PCDHA1: variants seen among roughly 807,000 people sequenced by gnomAD.
PCDHA1 encodes protocadherin alpha 1.
Under a neutral mutation model 61.3 loss-of-function variants are expected in PCDHA1, and 42 were observed. That is an observed-to-expected ratio of 0.69 (90% CI 0.54 to 0.89). The LOEUF (loss-of-function observed/expected upper bound fraction) is 0.89, where lower values mean the gene tolerates loss of function less well. Ranked by LOEUF, PCDHA1 falls within the 40% of genes least tolerant of loss-of-function variation. PCDHA1 has a pLI of 0.00. For synonymous variants in PCDHA1, 610 were observed against 553.8 expected (o/e 1.10, Z -1.43); for missense variants, 1,256 against 1,235.3 (o/e 1.02, Z -0.25).
chr5:140,881,362 G>C, intron 1 of PCDHA1: 6 of 985,132 alleles, frequency 6.1e-6, no homozygotes, highest in Non-Finnish European at 7.2e-6. Context: ...CGTGGCTTTC[G>C]TATGAATTGC....
intron 1 of PCDHA1, chr5:140,836,693 G>A: frequency 1.2e-6 from 2 of 1,613,422 alleles, no homozygotes; most frequent in African/African-American, 2.7e-5. Flanking sequence ...CAGACCTCAT[G>A]GCCTTCAGTC....
chr5:140,951,546 G>A (rs962043182), intron 1 of PCDHA1, among the ~76,000 whole-genome samples: 9 of 151,942 alleles, frequency 5.9e-5, no homozygotes, highest in Non-Finnish European at 8.8e-5. Context: ...CAAGGGACGG[G>A]GGGAAGTGCT....
chr5:140,910,274 G>A (rs1185029668), intron 1 of PCDHA1, among the ~76,000 whole-genome samples: 1 of 152,030 alleles, frequency 6.6e-6, no homozygotes, highest in Non-Finnish European at 1.5e-5. Flanking sequence ...TCACTTCTAG[G>A]AACACCATGA....
At chr5:140,901,583 T>C (rs530803677) in intron 1 of PCDHA1, among the ~76,000 whole-genome samples, 14 of 152,340 alleles carry the variant, frequency 9.2e-5, no homozygotes, top group African/African-American at 3.4e-4. Context: ...GCCAGTGCCA[T>C]GATGTTTTGG....
At chr5:140,945,935 G>T (rs2093863887) in intron 1 of PCDHA1, among the ~76,000 whole-genome samples, 1 of 151,964 alleles carries the variant, frequency 6.6e-6, no homozygotes, top group Admixed American at 6.6e-5. Flanking sequence ...GAGCAATGAT[G>T]TTTTTTATAT....
At chr5:140,832,312 C>G (rs2150200797) in intron 1 of PCDHA1, among the ~76,000 whole-genome samples, 49 of 152,244 alleles carry the variant, frequency 3.2e-4, no homozygotes, top group African/African-American at 1.1e-3. Flanking sequence ...TTAAAAGTTG[C>G]TTAAGGGCCA....
At chr5:140,807,188 A>G (rs1554123775) in intron 1 of PCDHA1, 1 of 1,613,140 alleles carries the variant, frequency 6.2e-7, no homozygotes, top group Admixed American at 1.7e-5. Context: ...TGCACTAAAG[A>G]TGGAGTTTTC....
intron 1 of PCDHA1, among the ~76,000 whole-genome samples, chr5:140,911,457 A>G (rs1225259689): frequency 6.6e-6 from 1 of 152,144 alleles, no homozygotes; most frequent in Non-Finnish European, 1.5e-5. Flanking sequence ...CTCTTTCTCT[A>G]CAGGAGATAA....
At chr5:140,953,227 G>A (rs269546) in intron 1 of PCDHA1, among the ~76,000 whole-genome samples, 34,007 of 151,960 alleles carry the variant, frequency 0.22, 4,902 homozygotes, top group African/African-American at 0.41. Flanking sequence ...GCTTCTGCTT[G>A]GTAGCAGTTC....
At chr5:140,838,747 G>A (rs1055072551) in intron 1 of PCDHA1, among the ~76,000 whole-genome samples, 2 of 151,894 alleles carry the variant, frequency 1.3e-5, no homozygotes, top group South Asian at 2.1e-4. Flanking sequence ...ACCAGCTTGT[G>A]CATCTTTTGT....
rs138543529 is a variant in PCDHA1, at chr5:140,795,912, C to T, written c.2394+7228C>T. Reference sequence around the variant, plus strand: ...TAGATTATGAAGAAGCAAAGTCCTACGAGATTCAGGTCACTGCAACTGACA... The same window carrying T: ...TAGATTATGAAGAAGCAAAGTCCTATGAGATTCAGGTCACTGCAACTGACA... On this transcript the variant is annotated intron_variant, in intron 1 of 3. Transcript: ENST00000504120. 11 of 1,613,672 alleles carry T rather than the reference C, an allele frequency of 6.8e-6. No homozygotes were observed. In the East Asian group the frequency reaches 1.6e-4, roughly 23 times the overall value.
rs1277640974 is a variant in PCDHA1 at position 140,805,391 on chromosome 5, T to C, written c.2394+16707T>C. 2.7e-6 allele frequency: 3 copies of C among 1,093,034 alleles called. No homozygotes were observed. The African/African-American group carries it at 5.0e-5, about 18-fold the overall frequency. 67.7% of individuals were successfully genotyped at this position (1,093,034 alleles called of 1,614,324 possible). ...CACATAGTGAAAGTACTCTGGTTTC[T>C]GTTTGATTCAGAAATTTGGTGGGTT... is the stretch of plus-strand genomic sequence containing the variant. On this transcript the variant is annotated intron_variant, in intron 1 of 3. Coordinates refer to ENST00000504120, the MANE Select transcript of PCDHA1 (RefSeq NM_018900.4).
chr5:140,869,384 A>G, intron 1 of PCDHA1: 1 of 1,614,120 alleles, frequency 6.2e-7, no homozygotes, highest in South Asian at 1.1e-5. Context: ...GACCGCGAGG[A>G]GCTGTGCGGG....
intron 1 of PCDHA1, among the ~76,000 whole-genome samples, chr5:140,932,852 T>C (rs2088679496): frequency 1.3e-5 from 2 of 151,996 alleles, no homozygotes; most frequent in Non-Finnish European, 2.9e-5. Flanking sequence ...ATAATGTTAA[T>C]GACTTATTGT....
intron 1 of PCDHA1, among the ~76,000 whole-genome samples, chr5:140,951,776 T>C (rs1301757181): frequency 2.6e-5 from 4 of 152,140 alleles, no homozygotes; most frequent in East Asian, 1.9e-4. Context: ...CGTTCTTACA[T>C]TGCAAAATAC....
intron 3 of PCDHA1, among the ~76,000 whole-genome samples, chr5:141,008,574 A>G (rs1554261815): frequency 1.3e-5 from 2 of 152,164 alleles, no homozygotes; most frequent in Admixed American, 1.3e-4. Context: ...TCATTTTCCC[A>G]AGACTCAGGG....
At chr5:140,850,361 C>T in intron 1 of PCDHA1, 1 of 1,597,860 alleles carries the variant, frequency 6.3e-7, no homozygotes, top group Non-Finnish European at 8.6e-7. Flanking sequence ...GCATCCCGTT[C>T]CGCGTGGGGC....
At chr5:140,849,756 T>C (rs1554143259) in intron 1 of PCDHA1, 2 of 1,598,354 alleles carry the variant, frequency 1.3e-6, no homozygotes, top group Admixed American at 1.7e-5. Flanking sequence ...TGTGTCCGCC[T>C]ACGAGCTGGT....
At chr5:140,964,959 T>C (rs1330728069) in intron 1 of PCDHA1, among the ~76,000 whole-genome samples, 2 of 152,168 alleles carry the variant, frequency 1.3e-5, no homozygotes, top group African/African-American at 4.8e-5. Context: ...GCTTGGTTGG[T>C]GGAACGAAGG....
Sources: gnomAD v4.1 joint callset for allele counts (sites outside exome capture counted in the v4.1 genomes callset) on GRCh38, gnomAD v4.1.1 for gene constraint, MANE v1.5 for transcripts, NCBI Gene and HGNC (gene_info 2026-07-23, HGNC 2026-07-21) for gene names.